TRPM1: variants seen among roughly 807,000 people sequenced by gnomAD.
The protein encoded by TRPM1 is transient receptor potential cation channel subfamily M member 1.
TRPM1 carries 113 observed loss-of-function variants against 149.4 expected under a neutral mutation model. That is an observed-to-expected ratio of 0.76 (90% CI 0.65 to 0.88). The LOEUF (loss-of-function observed/expected upper bound fraction) is 0.88. TRPM1 is among the 40% of genes least tolerant of loss of function. The pLI is 0.00. For synonymous variants in TRPM1, 741 were observed against 759.5 expected, an observed-to-expected ratio of 0.98 and a Z score of 0.40; for missense variants, 1,976 against 2,038.7, an observed-to-expected ratio of 0.97 and a Z score of 0.59.
At chr15:31,126,781 T>A (rs936533535) in intron 1 of TRPM1, among the ~76,000 whole-genome samples, 1 of 152,104 alleles carries the variant, frequency 6.6e-6, no homozygotes, top group African/African-American at 2.4e-5. Flanking sequence ...CTGGCCAACA[T>A]GGTGAAACCC....
intron 27 of TRPM1, among the ~76,000 whole-genome samples, chr15:31,025,423 T>A (rs902014800): frequency 6.6e-6 from 1 of 152,164 alleles, no homozygotes; most frequent in African/African-American, 2.4e-5. Context: ...TACTACGAAG[T>A]TTGGAAAATG....
At chr15:31,123,636 A>C (rs761361491) in intron 1 of TRPM1, among the ~76,000 whole-genome samples, 2 of 152,228 alleles carry the variant, frequency 1.3e-5, no homozygotes, top group Admixed American at 6.5e-5. Flanking sequence ...TATTGGGAAT[A>C]TAAGGAACCA....
chr15:31,139,494 T>C (rs2036131178), intron 1 of TRPM1, among the ~76,000 whole-genome samples: 1 of 152,224 alleles, frequency 6.6e-6, no homozygotes, highest in African/African-American at 2.4e-5. Flanking sequence ...ATGTGTTATG[T>C]ATATGTGATG....
Position 31,032,891 on chromosome 15 carries a change from A to C in TRPM1, c.2750T>G (p.Leu917Arg). ...ATCTGTGATGTTCCAGTACTCCTGA[A>C]GCCAAACTTTGATTTTCTGGCTGAG... ...GKLSQKIKVW[L>R]QEYWNITDLV... Residue 917 changes from leucine (L) to arginine (R), a missense_variant, in exon 22 of 28, where the codon CTT becomes CGT. This residue lies in a region of TRPM1 where 1,332 missense variants were observed against 1,347.1 expected (regional missense o/e 0.99). Transcript: ENST00000256552. The C allele has an allele frequency of 2.5e-6, 4 of 1,614,252 alleles. No homozygotes were observed. The highest frequency in any genetic ancestry group is 3.4e-6 in the Non-Finnish European group (4 of 1,180,046).
intron 27 of TRPM1, among the ~76,000 whole-genome samples, chr15:31,005,284 A>G (rs560233010): frequency 1.3e-5 from 2 of 152,190 alleles, no homozygotes; most frequent in African/African-American, 2.4e-5. Flanking sequence ...AAATAAATAC[A>G]CTGGTGAAAT....
intron 27 of TRPM1, among the ~76,000 whole-genome samples, chr15:31,004,542 T>C (rs1595970350): frequency 6.6e-6 from 1 of 152,146 alleles, no homozygotes. Context: ...TTAACTCTTT[T>C]CTTGGGGTGA....
chr15:31,057,080 T>G (rs572950478), intron 11 of TRPM1, among the ~76,000 whole-genome samples: 1 of 152,260 alleles, frequency 6.6e-6, no homozygotes, highest in South Asian at 2.1e-4. Flanking sequence ...GGATGTCTGA[T>G]GTAGACAACT....
intron 2 of TRPM1, among the ~76,000 whole-genome samples, chr15:31,078,615 G>A (rs2034775487): frequency 6.6e-6 from 1 of 152,198 alleles, no homozygotes; most frequent in Non-Finnish European, 1.5e-5. Context: ...GGCAGTGTGG[G>A]CTCAGGGGAG....
intron 1 of TRPM1, among the ~76,000 whole-genome samples, chr15:31,099,221 T>C (rs925926838): frequency 5.9e-5 from 9 of 152,186 alleles, no homozygotes; most frequent in African/African-American, 2.2e-4. Context: ...ACCCATCAGA[T>C]ATGCCTTTGC....
chr15:31,067,925 A>T lies in TRPM1; in HGVS notation c.447T>A (p.Ala149=). The T allele has an allele frequency of 1.2e-6, 2 of 1,613,986 alleles. No homozygotes were observed. Among genetic ancestry groups the T allele is most frequent in the Non-Finnish European group, 1.7e-6 (2 of 1,180,020 alleles). Residue 149 remains alanine (A), a synonymous_variant, in exon 5 of 28, where the codon GCT becomes GCA. Transcript: ENST00000256552. The part of the protein sequence containing the change: ...KQVFGKGLIK[A]AMTTGAWIFT... ...AGATCCAGGCCCCGGTGGTCATAGC[A>T]GCCTTGATCAGGCCTTTCCCAAAGA...
At chr15:31,155,991 G>A (rs1567083954) in intron 1 of TRPM1, among the ~76,000 whole-genome samples, 1 of 152,016 alleles carries the variant, frequency 6.6e-6, no homozygotes, top group East Asian at 1.9e-4. Flanking sequence ...GAGATCAGGA[G>A]TTGAAGACCA....
chr15:31,053,812 T>G (rs2140945184), intron 11 of TRPM1, among the ~76,000 whole-genome samples: 1 of 152,342 alleles, frequency 6.6e-6, no homozygotes, highest in South Asian at 2.1e-4. Flanking sequence ...GCAGCATTAT[T>G]CTAAAACATG....
chr15:31,013,544 G>T (rs1211061950), intron 27 of TRPM1, among the ~76,000 whole-genome samples: 1 of 151,986 alleles, frequency 6.6e-6, no homozygotes, highest in Non-Finnish European at 1.5e-5. Context: ...GATTCCTAAG[G>T]GATGGTTTTT....
chr15:31,152,866 C>G (rs1443638043), intron 1 of TRPM1, among the ~76,000 whole-genome samples: 1 of 152,134 alleles, frequency 6.6e-6, no homozygotes, highest in Non-Finnish European at 1.5e-5. Context: ...TGGTCTTGAA[C>G]TCCTAGGCTC....
At chr15:31,116,602 G>GAAATAAATAAATAAATAAATAAAT (rs56343838) in intron 1 of TRPM1, among the ~76,000 whole-genome samples, 7 of 143,612 alleles carry the variant, frequency 4.9e-5, no homozygotes, top group South Asian at 4.8e-4. Context: ...AACTCCATCT[G>GAAATAAATAAATAAATAAATAAAT]AAATAAATAA....
At chr15:31,048,834 C>T (rs905123245) in intron 13 of TRPM1, among the ~76,000 whole-genome samples, 3 of 152,086 alleles carry the variant, frequency 2.0e-5, no homozygotes, top group African/African-American at 4.8e-5. Context: ...AAAAATTCAC[C>T]AAGTTTTAGC....
chr15:31,079,740 C>T (rs1331300927), intron 2 of TRPM1, among the ~76,000 whole-genome samples: 1 of 152,232 alleles, frequency 6.6e-6, no homozygotes, highest in Non-Finnish European at 1.5e-5. Flanking sequence ...TGTATGCTTA[C>T]ACACTCATAC....
At chr15:31,030,933 A>G in intron 23 of TRPM1, 50 bp downstream of exon 23, 3 of 1,606,392 alleles carry the variant, frequency 1.9e-6, no homozygotes, top group Admixed American at 1.7e-5. Flanking sequence ...GGAACTGATC[A>G]TCTGCCTCAG....
rs375478559 is a variant in TRPM1 at position 31,035,510 on chromosome 15, G to A, written c.2700+36C>T. On this transcript the variant is annotated intron_variant, in intron 21 of 27. Coordinates refer to ENST00000256552, the MANE Select transcript of TRPM1 (RefSeq NM_001252024.2). ...AGCCATATCTGCATTTGCAGTCAGCGGTTAGTGGGCTGGGGGAGGCCTTTG... is the reference window on the plus strand; with the variant it reads ...AGCCATATCTGCATTTGCAGTCAGCAGTTAGTGGGCTGGGGGAGGCCTTTG... 749 of 1,613,674 alleles carry A rather than the reference G, an allele frequency of 4.6e-4. 1 individual carries two copies. The highest frequency in any genetic ancestry group is 5.7e-4 in the Non-Finnish European group (674 of 1,179,904).
Sources: allele counts gnomAD v4.1 joint callset (sites outside exome capture counted in the v4.1 genomes callset), GRCh38; gene constraint gnomAD v4.1.1; regional missense constraint gnomAD v4.1.1; transcripts MANE v1.5; gene names NCBI Gene and HGNC (gene_info 2026-07-23, HGNC 2026-07-21).